The following ADGRB3 variants were observed in gnomAD, a reference collection of about 807,000 sequenced individuals.
The protein encoded by ADGRB3 is adhesion G protein-coupled receptor B3.
Under a neutral mutation model 193.4 loss-of-function variants are expected in ADGRB3, and 37 were observed. The observed-to-expected ratio is 0.19, with a 90% CI of 0.15 to 0.25. The LOEUF (loss-of-function observed/expected upper bound fraction) is 0.25, where lower values mean the gene tolerates loss of function less well. Among genes scored for constraint, ADGRB3 ranks in the 10% least tolerant of loss-of-function variants. The pLI, the probability that ADGRB3 is intolerant of heterozygous loss-of-function variation, is 1.00. For synonymous variants in ADGRB3, 690 were observed against 644.2 expected (o/e 1.07, Z -1.08); for missense variants, 1,637 against 1,852.9 (o/e 0.88, Z 2.14).
chr6:69,145,433 C>G (rs918001648), intron 17 of ADGRB3, among the ~76,000 whole-genome samples: 1 of 152,188 alleles, frequency 6.6e-6, no homozygotes. Context: ...AGGGGTGTCA[C>G]AGCCCTGGCT....
At chr6:68,727,000 T>G (rs1765686389) in intron 3 of ADGRB3, among the ~76,000 whole-genome samples, 2 of 151,528 alleles carry the variant, frequency 1.3e-5, no homozygotes, top group South Asian at 4.1e-4. Flanking sequence ...TCACATGGCT[T>G]TTTGAAATTT....
intron 3 of ADGRB3, among the ~76,000 whole-genome samples, chr6:68,816,497 G>A (rs931298588): frequency 1.3e-4 from 19 of 151,598 alleles, no homozygotes; most frequent in African/African-American, 4.4e-4. Flanking sequence ...AATTAGTTTG[G>A]TAGTTTGATT....
In ADGRB3 at chr6:69,031,553, T is replaced by TTTTCTTTCTTTCTTTCTTTCTTTCTTTC. The variant is rs1554248806; in HGVS notation, c.2107+13055_2107+13056insTTCTTTCTTTCTTTCTTTCTTTCTTTCT. Among the ~76,000 whole-genome samples the TTTTCTTTCTTTCTTTCTTTCTTTCTTTC allele has an allele frequency of 3.7e-5, 4 of 108,622 alleles. 2 individuals are homozygous for TTTTCTTTCTTTCTTTCTTTCTTTCTTTC. The highest frequency in any genetic ancestry group is 7.8e-5 in the Non-Finnish European group (4 of 51,584). The allele number at this position is 108,622 out of a possible 152,430, so 71.3% of individuals were successfully genotyped here. A position where few individuals can be genotyped will look rare whatever the true frequency, so the allele number is the denominator to read the frequency against. ...TCTTTCTTTCTTTCTTTCTTTCTTT[T>TTTTCTTTCTTTCTTTCTTTCTTTCTTTC]TCTTTCTTTCTTTTCTTCCTCTGTC... On this transcript the variant is annotated intron_variant, in intron 13 of 31. Transcript: ENST00000370598.
intron 17 of ADGRB3, among the ~76,000 whole-genome samples, chr6:69,224,845 A>T (rs1326749777): frequency 1.3e-5 from 2 of 152,146 alleles, no homozygotes; most frequent in African/African-American, 4.8e-5. Context: ...AAATTACATA[A>T]ATTAAACTTT....
intron 3 of ADGRB3, among the ~76,000 whole-genome samples, chr6:68,708,830 A>C (rs1408082638): frequency 6.6e-6 from 1 of 152,176 alleles, no homozygotes; most frequent in East Asian, 1.9e-4. Flanking sequence ...TATCTAAGGA[A>C]ATTCTGAAAA....
intron 15 of ADGRB3, among the ~76,000 whole-genome samples, chr6:69,053,472 A>G (rs551033456): frequency 6.6e-6 from 1 of 152,348 alleles, no homozygotes; most frequent in Admixed American, 6.5e-5. Context: ...ATCTGTATCC[A>G]TTGCAGAAAA....
chr6:69,369,626 A>C (rs951972370), intron 29 of ADGRB3, among the ~76,000 whole-genome samples: 6 of 150,270 alleles, frequency 4.0e-5, no homozygotes, highest in African/African-American at 1.5e-4. Flanking sequence ...TGAGCCCTGA[A>C]TGTTGAGGCT....
intron 13 of ADGRB3, among the ~76,000 whole-genome samples, chr6:69,023,528 A>G (rs1336653): frequency 0.12 from 17,771 of 152,012 alleles, 1,206 homozygotes; most frequent in Middle Eastern, 0.18. Flanking sequence ...GTGCTTGGGG[A>G]AAAAAATGGC....
At chr6:69,144,832 G>T (rs1171980659) in intron 17 of ADGRB3, among the ~76,000 whole-genome samples, 1 of 151,706 alleles carries the variant, frequency 6.6e-6, no homozygotes, top group Non-Finnish European at 1.5e-5. Context: ...GAGGATTTTT[G>T]CATCAATGTT....
chr6:68,842,278 G>T (rs114137663), intron 3 of ADGRB3, among the ~76,000 whole-genome samples: 2,188 of 151,612 alleles, frequency 0.014, 52 homozygotes, highest in African/African-American at 0.05. Flanking sequence ...CAAACTTTTA[G>T]CCAGGCTAAC....
intron 26 of ADGRB3, among the ~76,000 whole-genome samples, chr6:69,349,424 C>G (rs973481606): frequency 2.0e-5 from 3 of 152,226 alleles, no homozygotes; most frequent in East Asian, 1.9e-4. Flanking sequence ...TGGAATGCAT[C>G]TTTTTCTTTC....
At chr6:68,682,652 G>A (rs998136727) in intron 3 of ADGRB3, among the ~76,000 whole-genome samples, 1 of 152,122 alleles carries the variant, frequency 6.6e-6, no homozygotes, top group Non-Finnish European at 1.5e-5. Context: ...GTCAAAGGAA[G>A]GGACCATAAT....
intron 3 of ADGRB3, among the ~76,000 whole-genome samples, chr6:68,716,189 CT>C (rs1248258905): frequency 6.7e-6 from 1 of 148,740 alleles, no homozygotes. Context: ...GACCACATTG[CT>C]TTTTTCATGT....
intron 3 of ADGRB3, among the ~76,000 whole-genome samples, chr6:68,839,277 G>A (rs1451682314): frequency 1.3e-5 from 2 of 152,128 alleles, no homozygotes; most frequent in Non-Finnish European, 2.9e-5. Flanking sequence ...GTAAAGTTGT[G>A]TTCCTCTGCC....
chr6:69,360,574 A>T (rs891719069), intron 28 of ADGRB3, among the ~76,000 whole-genome samples: 5 of 151,976 alleles, frequency 3.3e-5, no homozygotes, highest in Admixed American at 6.6e-5. Context: ...GAAAAGTTAT[A>T]TGGAGTTGTT....
chr6:69,325,040 C>T lies in ADGRB3; in HGVS notation c.2965+18C>T. 1 of 1,601,940 alleles carries T rather than the reference C, an allele frequency of 6.2e-7. No individual in the cohort carries two copies. Among genetic ancestry groups the T allele is most frequent in the East Asian group, 2.2e-5 (1 of 44,564 alleles). ...TGGATGGGGTAAGCATATTGATATA[C>T]CGTTTCATGCTCTTCTCAAAATGAC... On this transcript the variant is annotated intron_variant, in intron 21 of 31. Transcript: ENST00000370598.
chr6:69,243,183 TTC>T (rs772324377), intron 20 of ADGRB3, among the ~76,000 whole-genome samples: 2 of 151,860 alleles, frequency 1.3e-5, no homozygotes, highest in African/African-American at 2.4e-5. Flanking sequence ...GGGAGATAGC[TTC>T]TCTCTCTCAC....
chr6:68,742,869 A>G (rs1275826105), intron 3 of ADGRB3, among the ~76,000 whole-genome samples: 2 of 151,924 alleles, frequency 1.3e-5, no homozygotes, highest in Admixed American at 1.3e-4. Flanking sequence ...ATGTAATTTT[A>G]ATATATTTTT....
At chr6:68,805,258 A>G (rs1562036904) in intron 3 of ADGRB3, among the ~76,000 whole-genome samples, 1 of 152,178 alleles carries the variant, frequency 6.6e-6, no homozygotes, top group African/African-American at 2.4e-5. Context: ...TGTTATTTTA[A>G]CATATTTAAA....
Sources: allele counts gnomAD v4.1 joint callset (sites outside exome capture counted in the v4.1 genomes callset), GRCh38; gene constraint gnomAD v4.1.1; transcripts MANE v1.5; gene names NCBI Gene and HGNC (gene_info 2026-07-23, HGNC 2026-07-21).